ENKUR: variants seen among roughly 807,000 people sequenced by gnomAD.
ENKUR encodes enkurin, TRPC channel interacting protein.
ENKUR carries 19 observed loss-of-function variants against 27.6 expected under a neutral mutation model. The ratio of observed to expected loss-of-function variants is 0.69; its 90% CI spans 0.48 to 1.01. ENKUR has a LOEUF of 1.01. ENKUR is among the 50% of genes least tolerant of loss of function. ENKUR has a pLI of 0.00. For synonymous variants in ENKUR, 117 were observed against 96.9 expected (o/e 1.21, Z -1.22); for missense variants, 312 against 310.5 (o/e 1.00, Z -0.04).
chr10:25,022,190 C>A (rs1296921338), intron 2 of ENKUR, among the ~76,000 whole-genome samples: 1 of 152,122 alleles, frequency 6.6e-6, no homozygotes, highest in Admixed American at 6.5e-5. Flanking sequence ...GTCTGGCATA[C>A]ATTTTTGTTT....
At chr10:25,024,185 A>G in intron 2 of ENKUR, 2 of 1,614,158 alleles carry the variant, frequency 1.2e-6, no homozygotes, top group Middle Eastern at 1.6e-4. Context: ...TATGGGGAAA[A>G]CTTTGCCTGC....
At chr10:24,984,638 C>T in intron 5 of ENKUR, 98 bp downstream of exon 5, 1 of 1,150,624 alleles carries the variant, frequency 8.7e-7, no homozygotes, top group Non-Finnish European at 1.2e-6. Flanking sequence ...TTATTCTCTT[C>T]ATAGTATTTT....
At chr10:25,060,743 T>C (rs990571872) in intron 2 of ENKUR, among the ~76,000 whole-genome samples, 1 of 152,186 alleles carries the variant, frequency 6.6e-6, no homozygotes, top group African/African-American at 2.4e-5. Context: ...GGTCTTACTC[T>C]GTTGCCCAGG....
intron 2 of ENKUR, among the ~76,000 whole-genome samples, chr10:25,022,569 AC>A (rs1169486466): frequency 1.3e-5 from 2 of 152,208 alleles, no homozygotes; most frequent in African/African-American, 4.8e-5. Context: ...AAAATGTCAT[AC>A]CTTTGTCCTG....
intron 2 of ENKUR, among the ~76,000 whole-genome samples, chr10:25,056,852 C>G (rs1300428287): frequency 3.3e-5 from 5 of 152,132 alleles, no homozygotes; most frequent in Non-Finnish European, 4.4e-5. Context: ...ACACTAGGAC[C>G]TGGTCTAAAT....
At chr10:25,053,398 C>T (rs1028560112) in intron 2 of ENKUR, among the ~76,000 whole-genome samples, 3 of 152,066 alleles carry the variant, frequency 2.0e-5, no homozygotes, top group African/African-American at 7.2e-5. Context: ...AAACGTATTC[C>T]TCCTGTCTAA....
chr10:25,042,586 T>C (rs1851077228), intron 2 of ENKUR, among the ~76,000 whole-genome samples: 1 of 152,078 alleles, frequency 6.6e-6, no homozygotes, highest in African/African-American at 2.4e-5. Context: ...TGAGCCACCA[T>C]GCCTGGCCCT....
chr10:24,999,765 A>G (rs746432498), intron 1 of ENKUR, among the ~76,000 whole-genome samples: 1 of 152,196 alleles, frequency 6.6e-6, no homozygotes, highest in African/African-American at 2.4e-5. Flanking sequence ...AAAAGTGTTC[A>G]TAGTATTTCC....
intron 2 of ENKUR, chr10:25,026,498 GTTGT>G (rs1305012439): frequency 6.0e-6 from 1 of 166,996 alleles, no homozygotes; most frequent in Non-Finnish European, 1.5e-5. Context: ...TACGTAATTT[GTTGT>G]TTATTTCTTC....
At chr10:25,019,908 A>G (rs917580234), upstream of ENKUR, among the ~76,000 whole-genome samples, 2 of 152,116 alleles carry the variant, frequency 1.3e-5, no homozygotes, top group Admixed American at 1.3e-4. Context: ...TTTTAAATGA[A>G]CCATGTGTAA....
upstream of ENKUR, among the ~76,000 whole-genome samples, chr10:25,019,399 A>G (rs1412824345): frequency 6.6e-6 from 1 of 152,102 alleles, no homozygotes; most frequent in East Asian, 1.9e-4. Flanking sequence ...GCTTGAGCCT[A>G]GGAAGTCAAG....
chr10:25,038,941 A>G (rs969185352), intron 2 of ENKUR, among the ~76,000 whole-genome samples: 3 of 152,218 alleles, frequency 2.0e-5, no homozygotes, highest in African/African-American at 7.2e-5. Flanking sequence ...AAAAATGTGT[A>G]CAGTGAGAAT....
intron 3 of ENKUR, 82 bp downstream of exon 3, chr10:24,995,564 A>C: frequency 8.1e-7 from 1 of 1,232,368 alleles, no homozygotes; most frequent in South Asian, 1.5e-5. Flanking sequence ...AGCACTAATA[A>C]TGATAACATA....
chr10:24,988,474 T>C (rs1849840790), intron 4 of ENKUR, among the ~76,000 whole-genome samples: 1 of 146,388 alleles, frequency 6.8e-6, no homozygotes, highest in African/African-American at 2.5e-5. Flanking sequence ...TTTATTTATA[T>C]ATAAAATACG....
chr10:25,055,497 C>A (rs193145081), intron 2 of ENKUR, among the ~76,000 whole-genome samples: 20 of 148,684 alleles, frequency 1.3e-4, no homozygotes, highest in African/African-American at 4.9e-4. Context: ...TAATCTCTCT[C>A]CACAGACATG....
rs528253061 is a variant in ENKUR, at chr10:24,983,020, C to G, written c.*1350G>C. 41 of 152,290 alleles carry G rather than the reference C, an allele frequency of 2.7e-4. No individual in the cohort carries two copies. The highest frequency in any genetic ancestry group is 2.5e-3 in the Admixed American group (38 of 15,292). 9.4% of individuals were successfully genotyped at this position (152,290 alleles called of 1,614,324 possible). On this transcript the variant is annotated 3_prime_UTR_variant, in exon 6 of 6. Transcript: ENST00000331161. ...TTTAAAAATGAGTATGTATAGCAAT[C>G]ATTTCACAAATAAAATACTTACCTA...
intron 2 of ENKUR, among the ~76,000 whole-genome samples, chr10:25,055,760 T>C (rs1331223173): frequency 1.3e-5 from 2 of 152,196 alleles, no homozygotes; most frequent in Non-Finnish European, 2.9e-5. Context: ...TTTCAGCTGC[T>C]CTTTACACTT....
At chr10:25,057,503 A>G (rs1851275198) in intron 2 of ENKUR, among the ~76,000 whole-genome samples, 2 of 151,926 alleles carry the variant, frequency 1.3e-5, no homozygotes, top group African/African-American at 4.8e-5. Flanking sequence ...TAGCTTGGTG[A>G]CCCATTATTG....
At chr10:25,000,144 T>G (rs4345864) in intron 1 of ENKUR, among the ~76,000 whole-genome samples, 36,763 of 152,126 alleles carry the variant, frequency 0.24, 5,541 homozygotes, top group East Asian at 0.5. Flanking sequence ...TTTCCAGATA[T>G]CTAATTGATT....
Sources: allele counts gnomAD v4.1 joint callset (sites outside exome capture counted in the v4.1 genomes callset), GRCh38; gene constraint gnomAD v4.1.1; transcripts MANE v1.5; gene names NCBI Gene and HGNC (gene_info 2026-07-23, HGNC 2026-07-21).